ZNF354B: variants seen among roughly 807,000 people sequenced by gnomAD.
ZNF354B encodes zinc finger protein 354B.
Under a neutral mutation model 12.9 loss-of-function variants are expected in ZNF354B, and 10 were observed. That is an observed-to-expected ratio of 0.77 (90% CI 0.48 to 1.31). The LOEUF is 1.31. Ranked by LOEUF, ZNF354B falls within the 40% of genes most tolerant of loss-of-function variation. The probability of loss-of-function intolerance (pLI) is 0.00; values close to 1 mark genes in which losing one functional copy is unlikely to be tolerated. For synonymous variants in ZNF354B, 260 were observed against 243.7 expected, an observed-to-expected ratio of 1.07 and a Z score of -0.62; for missense variants, 614 against 711.7, an observed-to-expected ratio of 0.86 and a Z score of 1.56.
At position 178,883,737 on chromosome 5, in the gene ZNF354B, C is replaced by T. The variant is rs774680531; in HGVS notation, c.1285C>T (p.Arg429Ter). The change falls in exon 5 of 5, where the codon CGA becomes TGA. Residue 429 changes from arginine (R) to a stop codon, truncating the protein, a stop_gained. Coordinates refer to ENST00000322434, the MANE Select transcript of ZNF354B (RefSeq NM_058230.3). LOFTEE classifies it high-confidence loss of function. ...FTSISRLNRHRIIHTGEKLYN... is the reference protein window; with the variant it reads ...FTSISRLNRH ...TTCTATTTCACGACTTAATAGACACCGAATAATTCATACTGGAGAGAAATT... is the reference window on the plus strand; with the variant it reads ...TTCTATTTCACGACTTAATAGACACTGAATAATTCATACTGGAGAGAAATT... The T allele has an allele frequency of 3.2e-5, 51 of 1,613,918 alleles. No individual in the cohort carries two copies. The highest frequency in any genetic ancestry group is 9.3e-5 in the African/African-American group (7 of 74,872).
intron 4 of ZNF354B, among the ~76,000 whole-genome samples, chr5:178,873,350 A>G (rs1258597429): frequency 6.6e-6 from 1 of 152,162 alleles, no homozygotes; most frequent in Non-Finnish European, 1.5e-5. Flanking sequence ...TTTGGTGTCA[A>G]ATGTAAGAAT....
chr5:178,865,528 A>G (rs1387813506), intron 2 of ZNF354B, among the ~76,000 whole-genome samples: 1 of 152,104 alleles, frequency 6.6e-6, no homozygotes, highest in Non-Finnish European at 1.5e-5. Flanking sequence ...CGGCCTCCCA[A>G]AGTGCTGGGA....
rs572590644 is a variant in ZNF354B, at chr5:178,877,973, C to T, written c.257-4736C>T. ...TTTCTTTTACCTTACATTTATTTTG[C>T]ACTTTTGGCATTTTCTGTCTTTAAG... On this transcript the variant is annotated intron_variant, in intron 4 of 4. Transcript: ENST00000322434. Among the ~76,000 whole-genome samples the T allele has an allele frequency of 2.6e-5, 4 of 152,288 alleles. No individual in the cohort carries two copies. In the East Asian group the frequency reaches 5.8e-4, roughly 22 times the overall value.
At chr5:178,881,855 G>C (rs1439559884) in intron 4 of ZNF354B, among the ~76,000 whole-genome samples, 1 of 152,194 alleles carries the variant, frequency 6.6e-6, no homozygotes, top group African/African-American at 2.4e-5. Context: ...TGTTGGCCAG[G>C]ATGGTCTCAA....
At chr5:178,876,351 T>C (rs1361715037) in intron 4 of ZNF354B, among the ~76,000 whole-genome samples, 2 of 152,206 alleles carry the variant, frequency 1.3e-5, no homozygotes, top group Non-Finnish European at 2.9e-5. Context: ...CCCTAATCAC[T>C]GTGCCCCCTC....
In ZNF354B at chr5:178,883,948, G is replaced by C; in HGVS notation, c.1496G>C (p.Cys499Ser). The C allele has an allele frequency of 6.2e-7, 1 of 1,614,118 alleles. No homozygotes were observed. Among genetic ancestry groups the C allele is most frequent in the Non-Finnish European group, 8.5e-7 (1 of 1,180,004 alleles). ...GAAAGACCCTATAAGTGTAACGAAT[G>C]TGACAAAACATTCAGGTGTAACTCA... Reference protein sequence around the residue: ...TGERPYKCNECDKTFRCNSSL... With the variant: ...TGERPYKCNESDKTFRCNSSL... The change falls in exon 5 of 5, where the codon TGT becomes TCT. Residue 499 changes from cysteine (C) to serine (S), a missense_variant. Transcript: ENST00000322434.
rs537087952 is a variant in ZNF354B, at chr5:178,865,943, T to C, written c.34-301T>C. ...TAATTGGTGAGTTAAAGATTATACA[T>C]AGTTCTAAGTTCTTATGTATTATAA... On this transcript the variant is annotated intron_variant, in intron 2 of 4. Coordinates refer to ENST00000322434, the MANE Select transcript of ZNF354B (RefSeq NM_058230.3). Among the ~76,000 whole-genome samples the C allele has an allele frequency of 5.3e-5, 8 of 152,330 alleles. No homozygotes were observed. The East Asian group carries it at 1.4e-3, about 26-fold the overall frequency.
chr5:178,867,867 T>G (rs1238249315), intron 4 of ZNF354B, among the ~76,000 whole-genome samples: 1 of 152,206 alleles, frequency 6.6e-6, no homozygotes, highest in Non-Finnish European at 1.5e-5. Flanking sequence ...TTTTAATTTT[T>G]CACAAAGAGA....
At chr5:178,868,970 TC>T (rs1561667426) in intron 4 of ZNF354B, among the ~76,000 whole-genome samples, 2 of 106,626 alleles carry the variant, frequency 1.9e-5, no homozygotes, top group Non-Finnish European at 1.9e-5. Flanking sequence ...AGACTCCAAC[TC>T]AAAAAAAAAA....
At chr5:178,874,828 A>C (rs1009189097) in intron 4 of ZNF354B, among the ~76,000 whole-genome samples, 3 of 152,230 alleles carry the variant, frequency 2.0e-5, no homozygotes, top group Admixed American at 6.5e-5. Context: ...CAGAGTTCTC[A>C]TGATGGTTCT....
At chr5:178,870,426 G>A (rs1320405973) in intron 4 of ZNF354B, among the ~76,000 whole-genome samples, 3 of 152,172 alleles carry the variant, frequency 2.0e-5, no homozygotes, top group Admixed American at 6.5e-5. Context: ...ACAGGCACAC[G>A]CCACCATGCC....
At chr5:178,867,694 T>C (rs1757484425) in intron 4 of ZNF354B, among the ~76,000 whole-genome samples, 1 of 152,168 alleles carries the variant, frequency 6.6e-6, no homozygotes, top group African/African-American at 2.4e-5. Flanking sequence ...CAGAGCATTG[T>C]TGGGACGCCA....
At chr5:178,877,531 T>A (rs1757656142) in intron 4 of ZNF354B, among the ~76,000 whole-genome samples, 1 of 152,160 alleles carries the variant, frequency 6.6e-6, no homozygotes, top group South Asian at 2.1e-4. Context: ...GGGAAAAAAG[T>A]AGGCACTGTT....
At chr5:178,882,554 T>C (rs752435720) in intron 4 of ZNF354B, among the ~76,000 whole-genome samples, 155 bp from the exon 5 acceptor site, 2 of 152,234 alleles carry the variant, frequency 1.3e-5, no homozygotes, top group African/African-American at 2.4e-5. Flanking sequence ...TCAGTTCAGC[T>C]GTCATCCATT....
intron 4 of ZNF354B, among the ~76,000 whole-genome samples, chr5:178,878,403 C>G (rs572800668): frequency 7.3e-5 from 11 of 151,678 alleles, no homozygotes; most frequent in African/African-American, 2.7e-4. Context: ...AAAAAAGTTA[C>G]AGTTATGAAG....
intron 1 of ZNF354B, chr5:178,860,742 G>A (rs2114002831): frequency 5.4e-6 from 2 of 370,688 alleles, no homozygotes; most frequent in East Asian, 1.7e-4. Flanking sequence ...GGCGTGGGGC[G>A]AGCCCTGGCC....
intron 4 of ZNF354B, among the ~76,000 whole-genome samples, chr5:178,879,946 C>T (rs1365069910): frequency 5.9e-5 from 9 of 151,324 alleles, no homozygotes. Flanking sequence ...GCTAACACGG[C>T]AAAACCCCGT....
intron 4 of ZNF354B, among the ~76,000 whole-genome samples, chr5:178,876,186 C>CT (rs1757635129): frequency 2.0e-5 from 3 of 152,210 alleles, no homozygotes; most frequent in Non-Finnish European, 4.4e-5. Context: ...GAGCCACCTC[C>CT]AACTGAAGCA....
intron 4 of ZNF354B, among the ~76,000 whole-genome samples, chr5:178,882,204 T>C (rs1462539361): frequency 6.6e-6 from 1 of 152,230 alleles, no homozygotes; most frequent in Non-Finnish European, 1.5e-5. Context: ...TATTATTCCT[T>C]ACTTAAATGC....
Sources: gnomAD v4.1 joint callset for allele counts (sites outside exome capture counted in the v4.1 genomes callset) on GRCh38, gnomAD v4.1.1 for gene constraint, MANE v1.5 for transcripts, NCBI Gene and HGNC (gene_info 2026-07-23, HGNC 2026-07-21) for gene names.